Variants in CBFA2T3 observed in about 807,000 individuals in gnomAD.
The protein encoded by CBFA2T3 is transcriptional corepressor CBFA2T3.
In CBFA2T3, 31 loss-of-function variants were observed where a neutral mutation model predicts 58.6. The observed-to-expected ratio is 0.53, with a 90% confidence interval of 0.40 to 0.71. The LOEUF is 0.71. Among genes scored for constraint, CBFA2T3 ranks in the 30% least tolerant of loss-of-function variants. The pLI is 0.00. For missense variants in CBFA2T3, 1,076 were observed against 963.1 expected, an observed-to-expected ratio of 1.12 and a Z score of -1.55; for synonymous variants, 531 against 421.9, an observed-to-expected ratio of 1.26 and a Z score of -3.17.
intron 1 of CBFA2T3, chr16:88,941,134 C>T (rs1337810037): frequency 1.2e-5 from 12 of 983,502 alleles, no homozygotes; most frequent in Non-Finnish European, 1.4e-5. Context: ...GGGGCGGCTG[C>T]GCGCTGTCTT....
At position 88,899,316 on chromosome 16, in the gene CBFA2T3, C is replaced by T. The variant is rs1292595742; in HGVS notation, c.305-1164G>A. On this transcript the variant is annotated intron_variant, in intron 2 of 11. Transcript: ENST00000268679. ...GGTGCGGCCAACCACCTGGCTTTCA[C>T]GGAATTGTGTGGATTAGGGGATAAA... Among the ~76,000 whole-genome samples, 6 of 151,814 alleles carry T rather than the reference C, an allele frequency of 4.0e-5. No homozygotes were observed. The East Asian group carries it at 5.8e-4, about 15-fold the overall frequency.
intron 1 of CBFA2T3, among the ~76,000 whole-genome samples, chr16:88,918,754 C>T (rs549959115): frequency 2.0e-5 from 3 of 152,346 alleles, no homozygotes; most frequent in South Asian, 2.1e-4. Context: ...GCAGGTCACC[C>T]ACATGGCCCA....
At chr16:88,887,477 G>A (rs528692782) in intron 5 of CBFA2T3, among the ~76,000 whole-genome samples, 160 of 152,314 alleles carry the variant, frequency 1.1e-3, no homozygotes, top group Admixed American at 2.4e-3. Flanking sequence ...CTGGGAGCCG[G>A]GGCGGTGGGT....
At chr16:88,962,626 C>T (rs1033727165) in intron 1 of CBFA2T3, among the ~76,000 whole-genome samples, 22 of 152,308 alleles carry the variant, frequency 1.4e-4, no homozygotes, top group African/African-American at 4.8e-4. Context: ...ACACAGATGC[C>T]GAGTCCCCTG....
chr16:88,918,469 ACT>A (rs1195288191), intron 1 of CBFA2T3, among the ~76,000 whole-genome samples: 2 of 152,116 alleles, frequency 1.3e-5, no homozygotes, highest in Non-Finnish European at 2.9e-5. Flanking sequence ...GGCCTTCGCC[ACT>A]CTCACCTCCT....
intron 3 of CBFA2T3, among the ~76,000 whole-genome samples, chr16:88,895,386 A>C (rs1969845133): frequency 6.6e-6 from 1 of 151,822 alleles, no homozygotes; most frequent in African/African-American, 2.4e-5. Context: ...CGGGTCAGGA[A>C]GCTGTGCTGT....
intron 1 of CBFA2T3, among the ~76,000 whole-genome samples, chr16:88,968,795 C>A (rs951949562): frequency 1.3e-5 from 2 of 152,164 alleles, no homozygotes; most frequent in Admixed American, 6.5e-5. Flanking sequence ...ATTTCTGCAC[C>A]CTGCGCCTGG....
At chr16:88,918,830 G>C (rs984377690) in intron 1 of CBFA2T3, among the ~76,000 whole-genome samples, 2 of 152,236 alleles carry the variant, frequency 1.3e-5, no homozygotes, top group South Asian at 2.1e-4. Flanking sequence ...GGTTGGTGCT[G>C]AGAGAGGTCG....
intron 1 of CBFA2T3, among the ~76,000 whole-genome samples, chr16:88,909,336 C>T (rs1970445346): frequency 1.3e-5 from 2 of 152,240 alleles, no homozygotes; most frequent in African/African-American, 4.8e-5. Flanking sequence ...AGGCTCCGGG[C>T]CCTGCAACCT....
chr16:88,877,074 G>A lies in CBFA2T3; in HGVS notation c.1864C>T (p.Pro622Ser). 1 of 1,533,376 alleles carries A rather than the reference G, an allele frequency of 6.5e-7. No individual in the cohort carries two copies. The highest frequency in any genetic ancestry group is 8.8e-7 in the Non-Finnish European group (1 of 1,138,072). The allele number at this position is 1,533,376 out of a possible 1,614,324, so 95.0% of individuals were successfully genotyped here. Residue 622 changes from proline to serine, a missense_variant, in exon 12 of 12, where the codon CCT becomes TCT. Pro to Ser is a moderately conservative substitution (Grantham distance 74). Transcript: ENST00000268679. ...EAAHSLGPSL[P>S]VGAASPSEAG... is the part of the protein sequence containing the mutation. The stretch of plus-strand genomic sequence containing the variant: ...TCGCTGGGGCTGGCAGCACCCACAG[G>A]CAGGGAGGGGCCCAGGCTGTGGGCG...
chr16:88,891,833 G>T, intron 5 of CBFA2T3, 49 bp downstream of exon 5: 1 of 1,318,434 alleles, frequency 7.6e-7, no homozygotes, highest in Non-Finnish European at 1.1e-6. Context: ...TGGGATTAAG[G>T]GGCCTTCTAG....
chr16:88,893,277 G>A (rs1040284732), intron 3 of CBFA2T3, among the ~76,000 whole-genome samples: 7 of 143,290 alleles, frequency 4.9e-5, no homozygotes, highest in African/African-American at 7.9e-5. Context: ...ACACACAGGC[G>A]CCTCCCAGCC....
Position 88,885,083 on chromosome 16 carries a change from T to G in CBFA2T3, c.1080A>C (p.Pro360=), listed in dbSNP as rs1040285764. Residue 360 remains proline (P), a synonymous_variant, in exon 7 of 12, where the codon CCA becomes CCC. Transcript: ENST00000268679. The surrounding 1 kb of genome is among the most constrained non-coding windows in gnomAD (Gnocchi z 5.3). ...AHHFRDAYRH[P]DPRELRERHR... is the part of the protein sequence containing the mutation. ...GGCGCTCTCGTAGCTCCCGGGGGTC[T>G]GGGTGGCGGTAGGCATCTCGGAAGT... 3 of 1,601,724 alleles carry G rather than the reference T, an allele frequency of 1.9e-6. No individual in the cohort carries two copies. The African/African-American group carries it at 4.0e-5, about 21-fold the overall frequency.
intron 1 of CBFA2T3, among the ~76,000 whole-genome samples, chr16:88,925,631 C>T (rs2636948): frequency 0.14 from 21,594 of 152,100 alleles, 3,593 homozygotes; most frequent in African/African-American, 0.41. Flanking sequence ...CTGGATGACT[C>T]TGAATGCTGC....
At chr16:88,887,933 G>A (rs1597670842) in intron 5 of CBFA2T3, among the ~76,000 whole-genome samples, 1 of 152,148 alleles carries the variant, frequency 6.6e-6, no homozygotes. Context: ...CGCGGACTCC[G>A]CTGCTCTGCC....
chr16:88,941,107 C>T (rs1180635852), intron 1 of CBFA2T3: 1 of 984,200 alleles, frequency 1.0e-6, no homozygotes, highest in Non-Finnish European at 1.2e-6. Context: ...CAGCTTGGTC[C>T]CCGCCTCCAC....
In CBFA2T3 at chr16:88,877,319, C is replaced by A. The variant is rs1397237725; in HGVS notation, c.1663-44G>T. ...GCCAGTCAGGGCTGGGTCTGGCCAC[C>A]CGAATCCCCAACACACGCCTCAACC... On this transcript the variant is annotated intron_variant, in intron 11 of 11. Coordinates refer to ENST00000268679, the MANE Select transcript of CBFA2T3 (RefSeq NM_005187.6). The A allele has an allele frequency of 2.7e-6, 4 of 1,483,150 alleles. No individual in the cohort carries two copies. In the East Asian group the frequency reaches 1.0e-4, roughly 38 times the overall value. 91.9% of individuals were successfully genotyped at this position (1,483,150 alleles called of 1,614,324 possible). A position where few individuals can be genotyped will look rare whatever the true frequency, so the allele number is the denominator to read the frequency against.
chr16:88,897,024 C>T (rs946051427), intron 3 of CBFA2T3, among the ~76,000 whole-genome samples: 4 of 152,248 alleles, frequency 2.6e-5, no homozygotes, highest in African/African-American at 7.2e-5. Flanking sequence ...GGATTGGGGG[C>T]ACACGCGAGC....
In CBFA2T3 at chr16:88,875,757, T is replaced by C. The variant is rs1299840949; in HGVS notation, c.*1219A>G. On this transcript the variant is annotated 3_prime_UTR_variant, in exon 12 of 12. Transcript: ENST00000268679. ...AGCAGTCGAGAATCAACCCAAAAGATTGTCACAGTTTTGTTTCGGAATTAT... is the reference window on the plus strand; with the variant it reads ...AGCAGTCGAGAATCAACCCAAAAGACTGTCACAGTTTTGTTTCGGAATTAT... 1.3e-5 allele frequency: 3 copies of C among 233,412 alleles called. No homozygotes were observed. Among genetic ancestry groups the C allele is most frequent in the Admixed American group, 5.6e-5 (1 of 17,768 alleles). 14.5% of individuals were successfully genotyped at this position (233,412 alleles called of 1,614,324 possible).
Sources: gnomAD v4.1 joint callset for allele counts (sites outside exome capture counted in the v4.1 genomes callset) on GRCh38, gnomAD v4.1.1 for gene constraint, Gnocchi (gnomAD v3.1) non-coding constraint, MANE v1.5 for transcripts, NCBI Gene and HGNC (gene_info 2026-07-23, HGNC 2026-07-21) for gene names.